Variants in FBXO6 observed in about 807,000 individuals in gnomAD.
FBXO6 encodes F-box only protein 6.
FBXO6 carries 13 observed loss-of-function variants against 25.0 expected under a neutral mutation model. The ratio of observed to expected loss-of-function variants is 0.52; its 90% confidence interval spans 0.34 to 0.83. FBXO6 has a LOEUF of 0.83. Ranked by LOEUF, FBXO6 falls within the 40% of genes least tolerant of loss-of-function variation. The pLI, the probability that FBXO6 is intolerant of heterozygous loss-of-function variation, is 0.02. For synonymous variants in FBXO6, 138 were observed against 155.3 expected (o/e 0.89, Z 0.83); for missense variants, 370 against 380.2 (o/e 0.97, Z 0.22).
At chr1:11,668,461 G>A (rs574254307) in intron 1 of FBXO6, among the ~76,000 whole-genome samples, 195 bp from the exon 2 acceptor site, 6 of 151,036 alleles carry the variant, frequency 4.0e-5, no homozygotes, top group East Asian at 1.9e-4. Context: ...GCAGTGGCGC[G>A]ATCATAGGTC....
At chr1:11,670,258 G>A (rs1280240178) in intron 2 of FBXO6, among the ~76,000 whole-genome samples, 1 of 150,080 alleles carries the variant, frequency 6.7e-6, no homozygotes, top group Non-Finnish European at 1.5e-5. Flanking sequence ...GGCAGCGCCA[G>A]TAGAGAAGCG....
At chr1:11,667,238 T>C (rs762303087) in intron 1 of FBXO6, among the ~76,000 whole-genome samples, 12 of 151,794 alleles carry the variant, frequency 7.9e-5, no homozygotes, top group Non-Finnish European at 1.5e-4. Flanking sequence ...TGTAAGCAGA[T>C]GAGGCCCACC....
intron 1 of FBXO6, 43 bp from the exon 2 acceptor site, chr1:11,668,613 C>T: frequency 4.4e-6 from 7 of 1,589,658 alleles, no homozygotes; most frequent in Non-Finnish European, 6.0e-6. Flanking sequence ...GACCTGAGGG[C>T]CCACCTCCCT....
chr1:11,666,887 C>T lies in FBXO6; in HGVS notation c.-3-1769C>T, dbSNP rs373887443. 1.3e-4 allele frequency among the ~76,000 whole-genome samples: 20 copies of T among 152,286 alleles called. 3 individuals are homozygous for T. Among genetic ancestry groups the T allele is most frequent in the East Asian group, 1.9e-4 (1 of 5,174 alleles). ...AAAAGGCTGGGTACAGTGGCTCACA[C>T]CTGTAATCCCAGACTTCAGGAGGCT... is the stretch of plus-strand genomic sequence containing the variant. On this transcript the variant is annotated intron_variant, in intron 1 of 5. Transcript: ENST00000376753.
Position 11,673,905 on chromosome 1 carries a change from A to T in FBXO6, c.*54A>T, listed in dbSNP as rs1359169313. The T allele has an allele frequency of 3.2e-6, 5 of 1,547,422 alleles. No individual in the cohort carries two copies. Among genetic ancestry groups the T allele is most frequent in the Non-Finnish European group, 4.5e-6 (5 of 1,121,298 alleles). On this transcript the variant is annotated 3_prime_UTR_variant, in exon 6 of 6. Coordinates refer to ENST00000376753, the MANE Select transcript of FBXO6 (RefSeq NM_018438.6). This position sits in a 1 kb window ranked among gnomAD's most constrained non-coding sequence, Gnocchi z 4.3. ...CAGAGGTTCCTCCAGGCAGGAGCTG[A>T]GCATGGGGTGGGCAGTGAGGTCCCT...
At chr1:11,669,564 T>A (rs1050997512) in intron 2 of FBXO6, among the ~76,000 whole-genome samples, 1 of 148,786 alleles carries the variant, frequency 6.7e-6, no homozygotes, top group African/African-American at 2.6e-5. Context: ...TGCCACACTA[T>A]AGCATCCACA....
At position 11,668,701 on chromosome 1, in the gene FBXO6, G is replaced by C. The variant is rs1052156546; in HGVS notation, c.43G>C (p.Glu15Gln). 6.2e-7 allele frequency: 1 copy of C among 1,613,954 alleles called. No homozygotes were observed. The highest frequency in any genetic ancestry group is 1.7e-5 in the Admixed American group (1 of 60,014). The part of the protein sequence containing the change: ...HSKAALDSIN[E>Q]LPENILLELF... ...CAAAGCAGCCCTGGACAGCATTAACGAGCTGCCCGAGAACATCCTGCTGGA... is the reference window on the plus strand; with the variant it reads ...CAAAGCAGCCCTGGACAGCATTAACCAGCTGCCCGAGAACATCCTGCTGGA... Residue 15 changes from glutamate to glutamine, a missense_variant, in exon 2 of 6, where the codon GAG (glutamate) becomes CAG (glutamine). Glu to Gln is a conservative substitution (Grantham distance 29). Coordinates refer to ENST00000376753, the MANE Select transcript of FBXO6 (RefSeq NM_018438.6).
intron 2 of FBXO6, among the ~76,000 whole-genome samples, chr1:11,670,455 T>C (rs2100694670): frequency 6.6e-6 from 1 of 152,040 alleles, no homozygotes; most frequent in East Asian, 1.9e-4. Flanking sequence ...GGAATCTTGG[T>C]TCCCATGACC....
intron 2 of FBXO6, 40 bp downstream of exon 2, chr1:11,668,984 T>TCTTGG (rs748656330): frequency 1.2e-6 from 2 of 1,601,906 alleles, no homozygotes; most frequent in South Asian, 2.2e-5. Flanking sequence ...CCAGGCTCGT[T>TCTTGG]CCTTCTCATC....
intron 3 of FBXO6, 67 bp downstream of exon 3, chr1:11,671,459 C>G: frequency 1.3e-6 from 2 of 1,577,846 alleles, no homozygotes; most frequent in Admixed American, 1.7e-5. Flanking sequence ...TTTGCCAAGT[C>G]TCAGGCAAAG....
At position 11,665,148 on chromosome 1, in the gene FBXO6, G is replaced by A. The variant is rs528167740; in HGVS notation, c.-4+893G>A. On this transcript the variant is annotated intron_variant, in intron 1 of 5. Transcript: ENST00000376753. ...CAGCCTCGACTTCCTGGGCTCAAGC[G>A]TTCCTCCTGCCTCAGCCTCCTGCAT... 4.0e-5 allele frequency among the ~76,000 whole-genome samples: 6 copies of A among 149,066 alleles called. No individual in the cohort carries two copies. The South Asian group carries it at 6.4e-4, about 16-fold the overall frequency.
intron 4 of FBXO6, 31 bp downstream of exon 4, chr1:11,672,054 A>G (rs1476316935): frequency 6.4e-7 from 1 of 1,564,294 alleles, no homozygotes; most frequent in East Asian, 2.2e-5. Context: ...GTGTCCCCAC[A>G]CTCTACATGC....
At chr1:11,671,125 G>A in intron 2 of FBXO6, 141 bp from the exon 3 acceptor site, 1 of 1,050,348 alleles carries the variant, frequency 9.5e-7, no homozygotes, top group Non-Finnish European at 1.4e-6. Context: ...CAGCCGCAGA[G>A]ACCTGAGCAT....
intron 1 of FBXO6, among the ~76,000 whole-genome samples, chr1:11,666,169 G>A (rs1640432955): frequency 6.6e-6 from 1 of 150,680 alleles, no homozygotes; most frequent in Non-Finnish European, 1.5e-5. Context: ...AGGCCTCATG[G>A]ACTGTAAGGT....
At chr1:11,669,763 A>C (rs1011847548) in intron 2 of FBXO6, among the ~76,000 whole-genome samples, 2 of 128,520 alleles carry the variant, frequency 1.6e-5, no homozygotes, top group East Asian at 2.4e-4. Context: ...CACACACACA[A>C]GTAGTTGGGA....
At position 11,673,306 on chromosome 1, in the gene FBXO6, C is replaced by A. The variant is rs763959420; in HGVS notation, c.539C>A (p.Thr180Asn). 6.2e-6 allele frequency: 10 copies of A among 1,613,978 alleles called. No homozygotes were observed. In the Middle Eastern group the frequency reaches 4.9e-4, roughly 80 times the overall value. ...WFAARADCGC[T>N]YQLKVQLASA... The stretch of plus-strand genomic sequence containing the variant: ...GCTGCCAGAGCCGACTGTGGCTGCA[C>A]CTACCAACTCAAAGTGCAGCTGGCC... Residue 180 changes from threonine (T) to asparagine (N), a missense_variant, in exon 5 of 6, where the codon ACC becomes AAC. By Grantham distance (65) the Thr-to-Asn change is moderately conservative. Transcript: ENST00000376753. The surrounding 1 kb of genome is among the most constrained non-coding windows in gnomAD (Gnocchi z 4.3).
rs750403840 is a variant in FBXO6 at position 11,668,649 on chromosome 1, C to T, written c.-3-7C>T. ...GGTCAGGCTCATAACTGCTGTTGCC[C>T]CCACAGGCCATGGATGCTCCCCACT... On this transcript the variant is annotated splice_polypyrimidine_tract_variant and splice_region_variant and intron_variant, in intron 1 of 5. Coordinates refer to ENST00000376753, the MANE Select transcript of FBXO6 (RefSeq NM_018438.6). 1.6e-5 allele frequency: 26 copies of T among 1,605,896 alleles called. No homozygotes were observed. The highest frequency in any genetic ancestry group is 1.6e-4 in the East Asian group (7 of 44,660).
In FBXO6 at chr1:11,671,315, G is replaced by A; in HGVS notation, c.336G>A (p.Lys112=). The change falls in exon 3 of 6, where the codon AAG becomes AAA. Residue 112 remains lysine (K), a synonymous_variant. Transcript: ENST00000376753. Reference sequence around the variant, plus strand: ...ATTTCAATGGTGGGGACCGCTGGAAGGTGGAGAGCCTCCCTGGAGCCCACG... The same window carrying A: ...ATTTCAATGGTGGGGACCGCTGGAAAGTGGAGAGCCTCCCTGGAGCCCACG... ...QIDFNGGDRW[K]VESLPGAHGT... is the part of the protein sequence containing the mutation. 2.5e-6 allele frequency: 4 copies of A among 1,614,170 alleles called. No individual in the cohort carries two copies. Among genetic ancestry groups the A allele is most frequent in the Non-Finnish European group, 3.4e-6 (4 of 1,180,012 alleles).
intron 1 of FBXO6, among the ~76,000 whole-genome samples, chr1:11,665,718 G>A (rs528911917): frequency 2.4e-4 from 37 of 151,532 alleles, no homozygotes; most frequent in African/African-American, 7.5e-4. Context: ...CCGCCACCAC[G>A]CCCAGCTAAT....
Sources: allele counts gnomAD v4.1 joint callset (sites outside exome capture counted in the v4.1 genomes callset), GRCh38; gene constraint gnomAD v4.1.1; non-coding constraint Gnocchi (gnomAD v3.1); transcripts MANE v1.5; gene names NCBI Gene and HGNC (gene_info 2026-07-23, HGNC 2026-07-21).